Variants in KCNH8 observed in about 807,000 individuals in gnomAD.
KCNH8 encodes potassium voltage-gated channel subfamily H member 8, also known as voltage-gated delayed rectifier potassium channel KCNH8.
KCNH8 carries 70 observed loss-of-function variants against 103.6 expected under a neutral mutation model. That is an observed-to-expected ratio of 0.68 (90% CI 0.56 to 0.82). The LOEUF (loss-of-function observed/expected upper bound fraction) is 0.82, where lower values mean the gene tolerates loss of function less well. Ranked by LOEUF, KCNH8 falls within the 40% of genes least tolerant of loss-of-function variation. The pLI, the probability that KCNH8 is intolerant of heterozygous loss-of-function variation, is 0.00. For synonymous variants in KCNH8, 498 were observed against 489.4 expected (o/e 1.02, Z -0.23); for missense variants, 1,217 against 1,329.9 (o/e 0.92, Z 1.32).
At chr3:19,277,049 A>T (rs78492372) in intron 2 of KCNH8, among the ~76,000 whole-genome samples, 3,954 of 152,200 alleles carry the variant, frequency 0.026, 166 homozygotes, top group African/African-American at 0.089. Context: ...TTTGCAGAAG[A>T]AACATTGATA....
chr3:19,461,490 G>C (rs990445358), intron 11 of KCNH8, among the ~76,000 whole-genome samples: 1 of 152,076 alleles, frequency 6.6e-6, no homozygotes, highest in African/African-American at 2.4e-5. Flanking sequence ...GATTTTCACA[G>C]ACAAAACCAA....
chr3:19,353,487 A>C (rs1396156941), intron 5 of KCNH8, among the ~76,000 whole-genome samples: 1 of 152,212 alleles, frequency 6.6e-6, no homozygotes, highest in Non-Finnish European at 1.5e-5. Context: ...ATCCTCAATA[A>C]AGTACTGGCA....
At chr3:19,453,487 T>G (rs755823144) in intron 10 of KCNH8, among the ~76,000 whole-genome samples, 1 of 152,202 alleles carries the variant, frequency 6.6e-6, no homozygotes, top group Non-Finnish European at 1.5e-5. Context: ...TCATATGAGC[T>G]GGGTGTTTTA....
intron 1 of KCNH8, among the ~76,000 whole-genome samples, chr3:19,198,834 G>T (rs2063628365): frequency 6.6e-6 from 1 of 152,016 alleles, no homozygotes; most frequent in Non-Finnish European, 1.5e-5. Context: ...CTTTTGAGAT[G>T]AATTAGCTGT....
chr3:19,183,246 T>C (rs1407491608), intron 1 of KCNH8, among the ~76,000 whole-genome samples: 5 of 152,206 alleles, frequency 3.3e-5, no homozygotes, highest in Non-Finnish European at 7.3e-5. Context: ...TATTTTTATT[T>C]GTAGACGATA....
intron 3 of KCNH8, among the ~76,000 whole-genome samples, chr3:19,294,314 G>A (rs1010776437): frequency 2.0e-5 from 3 of 152,174 alleles, no homozygotes; most frequent in Admixed American, 6.5e-5. Flanking sequence ...TGATTGATAT[G>A]TACTTCGAAT....
At chr3:19,181,423 A>G (rs529381911) in intron 1 of KCNH8, among the ~76,000 whole-genome samples, 1 of 152,296 alleles carries the variant, frequency 6.6e-6, no homozygotes, top group Non-Finnish European at 1.5e-5. Flanking sequence ...GAAAGAGATG[A>G]ACGACAAAAC....
chr3:19,441,847 G>T (rs751353521), intron 8 of KCNH8, among the ~76,000 whole-genome samples: 8 of 152,148 alleles, frequency 5.3e-5, no homozygotes, highest in Non-Finnish European at 8.8e-5. Flanking sequence ...ATGAGTGTGT[G>T]GGTCTTAAGC....
At chr3:19,181,194 A>G (rs2063449970) in intron 1 of KCNH8, among the ~76,000 whole-genome samples, 1 of 152,234 alleles carries the variant, frequency 6.6e-6, no homozygotes, top group African/African-American at 2.4e-5. Context: ...ATAATTTTTA[A>G]AAGATATACT....
intron 6 of KCNH8, among the ~76,000 whole-genome samples, chr3:19,394,328 A>T (rs1373231171): frequency 6.6e-6 from 1 of 152,054 alleles, no homozygotes; most frequent in Admixed American, 6.6e-5. Context: ...CACACCAATG[A>T]TACATATTTT....
At chr3:19,385,057 T>C (rs2066338194) in intron 5 of KCNH8, among the ~76,000 whole-genome samples, 1 of 151,918 alleles carries the variant, frequency 6.6e-6, no homozygotes, top group African/African-American at 2.4e-5. Flanking sequence ...GAAATGAAGA[T>C]ATTCAACCTG....
chr3:19,381,977 G>A (rs1022470744), intron 5 of KCNH8, among the ~76,000 whole-genome samples: 1 of 152,146 alleles, frequency 6.6e-6, no homozygotes, highest in African/African-American at 2.4e-5. Flanking sequence ...GATCATAAAG[G>A]AGGCTTCTGG....
rs1198267203 is a variant in KCNH8, at chr3:19,390,577, T to A, written c.908T>A (p.Phe303Tyr). Residue 303 changes from phenylalanine to tyrosine, a missense_variant, in exon 6 of 16, where the codon TTC (phenylalanine) becomes TAC (tyrosine). Transcript: ENST00000328405. The stretch of plus-strand genomic sequence containing the variant: ...TGCATCCACTATGTCACAACCTGGT[T>A]CATCATTGATTTAATCGCTGCCCTG... ...SICIHYVTTWFIIDLIAALPF... is the reference protein window; with the variant it reads ...SICIHYVTTWYIIDLIAALPF... 1 of 1,613,450 alleles carries A rather than the reference T, an allele frequency of 6.2e-7. No individual in the cohort carries two copies. The highest frequency in any genetic ancestry group is 1.3e-5 in the African/African-American group (1 of 74,866).
chr3:19,464,906 T>C (rs2067704850), intron 11 of KCNH8, among the ~76,000 whole-genome samples: 1 of 152,256 alleles, frequency 6.6e-6, no homozygotes, highest in East Asian at 1.9e-4. Flanking sequence ...TAATAAATTA[T>C]AGTGAGAATG....
At chr3:19,347,277 C>G (rs2065741455) in intron 4 of KCNH8, among the ~76,000 whole-genome samples, 1 of 151,972 alleles carries the variant, frequency 6.6e-6, no homozygotes. Flanking sequence ...AAGAAAAGCA[C>G]CATTGCTGTC....
chr3:19,182,078 T>C (rs1559411912), intron 1 of KCNH8, among the ~76,000 whole-genome samples: 1 of 152,162 alleles, frequency 6.6e-6, no homozygotes. Flanking sequence ...ACTGTTCTTT[T>C]ATATACTATA....
At position 19,233,677 on chromosome 3, in the gene KCNH8, T is replaced by C. The variant is rs140118172; in HGVS notation, c.77-19977T>C. ...GGCTTGTTCTCTTGTGTGGATTTTC[T>C]CTGGGTACTCTGGTTTCCTCTCACG... On this transcript the variant is annotated intron_variant, in intron 1 of 15. Transcript: ENST00000328405. 2.9e-3 allele frequency among the ~76,000 whole-genome samples: 437 copies of C among 152,294 alleles called. 3 individuals carry two copies. The highest frequency in any genetic ancestry group is 0.01 in the African/African-American group (419 of 41,566).
chr3:19,370,027 C>T (rs1327092022), intron 5 of KCNH8, among the ~76,000 whole-genome samples: 2 of 152,012 alleles, frequency 1.3e-5, no homozygotes, highest in Non-Finnish European at 2.9e-5. Flanking sequence ...TAAATCCCTT[C>T]CATCACTTGC....
chr3:19,450,074 T>C, intron 8 of KCNH8, 32 bp from the exon 9 acceptor site: 1 of 1,582,796 alleles, frequency 6.3e-7, no homozygotes, highest in Non-Finnish European at 8.7e-7. Flanking sequence ...GTCACATTTC[T>C]CTTCCATTAT....
Sources: gnomAD v4.1 joint callset for allele counts (sites outside exome capture counted in the v4.1 genomes callset) on GRCh38, gnomAD v4.1.1 for gene constraint, MANE v1.5 for transcripts, NCBI Gene and HGNC (gene_info 2026-07-23, HGNC 2026-07-21) for gene names.